The following ADARB2 variants were observed in gnomAD, a reference collection of about 807,000 sequenced individuals.
ADARB2 encodes adenosine deaminase RNA specific B2 (inactive).
ADARB2 carries 25 observed loss-of-function variants against 62.2 expected under a neutral mutation model. The observed-to-expected ratio is 0.40, with a 90% CI of 0.29 to 0.56. The LOEUF (loss-of-function observed/expected upper bound fraction) is 0.56, where lower values mean the gene tolerates loss of function less well. Ranked by LOEUF, ADARB2 falls within the 20% of genes least tolerant of loss-of-function variation. The pLI is 0.43. For missense variants in ADARB2, 1,071 were observed against 1,077.4 expected (o/e 0.99, Z 0.08); for synonymous variants, 572 against 500.8 (o/e 1.14, Z -1.90).
At chr10:1,650,728 C>T in intron 1 of ADARB2, among the ~76,000 whole-genome samples, 1 of 152,194 alleles carries the variant, frequency 6.6e-6, no homozygotes, top group East Asian at 1.9e-4. Context: ...CCACTGCAGT[C>T]CCGGATAGGG....
chr10:1,573,294 G>T (rs1220433608), intron 1 of ADARB2, among the ~76,000 whole-genome samples: 7 of 152,146 alleles, frequency 4.6e-5, no homozygotes, highest in African/African-American at 1.4e-4. Context: ...GCTGTCACCG[G>T]CACTCAACTG....
At chr10:1,252,905 C>G (rs1465252902) in intron 4 of ADARB2, among the ~76,000 whole-genome samples, 1 of 152,122 alleles carries the variant, frequency 6.6e-6, no homozygotes, top group Non-Finnish European at 1.5e-5. Flanking sequence ...GGCTTTTATT[C>G]TCTAAACATT....
intron 1 of ADARB2, among the ~76,000 whole-genome samples, chr10:1,724,842 C>A (rs1163113652): frequency 6.6e-6 from 1 of 152,192 alleles, no homozygotes; most frequent in Non-Finnish European, 1.5e-5. Flanking sequence ...TGGACAGCCA[C>A]AATGCCTGAT....
intron 3 of ADARB2, among the ~76,000 whole-genome samples, chr10:1,316,970 G>A (rs751815233): frequency 2.0e-5 from 3 of 152,248 alleles, no homozygotes; most frequent in Non-Finnish European, 4.4e-5. Context: ...TTTTCTCCCA[G>A]TTAAAGCCCC....
At chr10:1,266,467 C>T (rs2131795936) in intron 4 of ADARB2, among the ~76,000 whole-genome samples, 1 of 146,116 alleles carries the variant, frequency 6.8e-6, no homozygotes, top group South Asian at 2.1e-4. Flanking sequence ...GAGAAGGGTC[C>T]AGGGCCGGCT....
chr10:1,708,565 A>G (rs1470366383), intron 1 of ADARB2, among the ~76,000 whole-genome samples: 1 of 152,218 alleles, frequency 6.6e-6, no homozygotes, highest in Non-Finnish European at 1.5e-5. Flanking sequence ...AATTTGCAGG[A>G]AAAGCTACAA....
In ADARB2 at chr10:1,477,476, T is replaced by A. The variant is rs1163540179; in HGVS notation, c.101-98316A>T. ...GCCCCTTTTCTGCTGTGCTGCCCAT[T>A]GCTTTCTTGCAACGTATCTTCGTGC... is the stretch of plus-strand genomic sequence containing the variant. On this transcript the variant is annotated intron_variant, in intron 1 of 9. Coordinates refer to ENST00000381312, the MANE Select transcript of ADARB2 (RefSeq NM_018702.4). The surrounding 1 kb of genome is among the most constrained non-coding windows in gnomAD (Gnocchi z 4.5). Among the ~76,000 whole-genome samples, 1 of 152,170 alleles carries A rather than the reference T, an allele frequency of 6.6e-6. No homozygotes were observed. The highest frequency in any genetic ancestry group is 6.5e-5 in the Admixed American group (1 of 15,274).
chr10:1,632,622 A>C (rs1423333303), intron 1 of ADARB2, among the ~76,000 whole-genome samples: 15 of 152,204 alleles, frequency 9.9e-5, no homozygotes, highest in Admixed American at 5.2e-4. Context: ...CTAGAGGGGA[A>C]ATAACTGCCC....
intron 1 of ADARB2, among the ~76,000 whole-genome samples, chr10:1,430,459 T>TA (rs1421230460): frequency 1.3e-5 from 2 of 152,138 alleles, no homozygotes; most frequent in East Asian, 1.9e-4. Flanking sequence ...AGTGGATTTT[T>TA]AAAAAACCCA....
chr10:1,221,480 A>G (rs1299549723), intron 6 of ADARB2, among the ~76,000 whole-genome samples: 2 of 151,102 alleles, frequency 1.3e-5, no homozygotes, highest in Non-Finnish European at 2.9e-5. Flanking sequence ...GGTTTGTTAC[A>G]TATGTATACA....
intron 1 of ADARB2, among the ~76,000 whole-genome samples, chr10:1,682,101 T>C (rs1314761148): frequency 1.3e-5 from 2 of 152,224 alleles, no homozygotes; most frequent in Non-Finnish European, 2.9e-5. Flanking sequence ...ATCTATTTTC[T>C]TAAACAGAAT....
Position 1,363,076 on chromosome 10 carries a change from C to A in ADARB2, c.1029G>T (p.Gln343His). 4 of 1,470,098 alleles carry A rather than the reference C, an allele frequency of 2.7e-6. No individual in the cohort carries two copies. The highest frequency in any genetic ancestry group is 2.7e-6 in the Non-Finnish European group (3 of 1,114,966). 91.1% of individuals were successfully genotyped at this position (1,470,098 alleles called of 1,614,324 possible). A position where few individuals can be genotyped will look rare whatever the true frequency, so the allele number is the denominator to read the frequency against. ...CCCTGCCGGGCGCGTGGCCGGGCAT[C>A]TGGATGTCGAACAGCTCCTGCAGTG... ...QAALQELFDI[Q>H]MPGHAPGRAR... The change falls in exon 3 of 10, where the codon CAG (glutamine) becomes CAT (histidine). Residue 343 changes from glutamine (Q) to histidine (H), a missense_variant. Gln to His is a conservative substitution (Grantham distance 24). Coordinates refer to ENST00000381312, the MANE Select transcript of ADARB2 (RefSeq NM_018702.4).
intron 1 of ADARB2, among the ~76,000 whole-genome samples, chr10:1,608,461 A>G (rs1833521903): frequency 6.6e-6 from 1 of 151,548 alleles, no homozygotes; most frequent in Non-Finnish European, 1.5e-5. Flanking sequence ...GAAGGGGATG[A>G]GAGGAGGGAA....
chr10:1,404,117 A>C (rs1456742006), intron 1 of ADARB2, among the ~76,000 whole-genome samples: 1 of 152,236 alleles, frequency 6.6e-6, no homozygotes, highest in Non-Finnish European at 1.5e-5. Context: ...CTCCCAGCGC[A>C]GGGCCCCTGC....
At chr10:1,609,054 C>A (rs994813089) in intron 1 of ADARB2, among the ~76,000 whole-genome samples, 6 of 152,176 alleles carry the variant, frequency 3.9e-5, no homozygotes, top group Admixed American at 3.9e-4. Context: ...GCCCACCAAA[C>A]TATAAATTAA....
At chr10:1,495,785 G>A in intron 1 of ADARB2, among the ~76,000 whole-genome samples, 1 of 145,970 alleles carries the variant, frequency 6.9e-6, no homozygotes, top group East Asian at 2.1e-4. Context: ...CATCATCATT[G>A]GTATAAACAT....
At chr10:1,322,327 G>T (rs1831802872) in intron 3 of ADARB2, among the ~76,000 whole-genome samples, 1 of 152,164 alleles carries the variant, frequency 6.6e-6, no homozygotes, top group African/African-American at 2.4e-5. Flanking sequence ...TTCAGAGCAA[G>T]GTGGACTCTA....
intron 1 of ADARB2, among the ~76,000 whole-genome samples, chr10:1,389,367 A>C (rs959689552): frequency 6.6e-6 from 1 of 152,226 alleles, no homozygotes; most frequent in African/African-American, 2.4e-5. Flanking sequence ...ATAGATTGGG[A>C]TGATATATTT....
chr10:1,602,764 T>C (rs1387916450), intron 1 of ADARB2, among the ~76,000 whole-genome samples: 2 of 139,912 alleles, frequency 1.4e-5, no homozygotes, highest in Non-Finnish European at 3.1e-5. Context: ...CACCTGTACA[T>C]ACACACACAT....
Sources: allele counts gnomAD v4.1 joint callset (sites outside exome capture counted in the v4.1 genomes callset), GRCh38; gene constraint gnomAD v4.1.1; non-coding constraint Gnocchi (gnomAD v3.1); transcripts MANE v1.5; gene names NCBI Gene and HGNC (gene_info 2026-07-23, HGNC 2026-07-21).